The following DISC1 variants were observed in gnomAD, a reference collection of about 807,000 sequenced individuals.
DISC1 encodes DISC1 scaffold protein, also known as disrupted in schizophrenia 1 protein.
DISC1 carries 57 observed loss-of-function variants against 84.5 expected under a neutral mutation model. The ratio of observed to expected loss-of-function variants is 0.67; its 90% CI spans 0.55 to 0.84. The LOEUF is 0.84. Among genes scored for constraint, DISC1 ranks in the 40% least tolerant of loss-of-function variants. DISC1 has a pLI of 0.00. For missense variants in DISC1, 1,000 were observed against 1,057.8 expected (o/e 0.95, Z 0.76); for synonymous variants, 411 against 415.2 (o/e 0.99, Z 0.12).
chr1:231,727,511 C>T (rs1476329627), intron 3 of DISC1, among the ~76,000 whole-genome samples: 2 of 152,138 alleles, frequency 1.3e-5, no homozygotes, highest in African/African-American at 4.8e-5. Context: ...GCCATTAATT[C>T]CTCCTCTATT....
chr1:231,713,600 A>G (rs1384726855), intron 3 of DISC1, among the ~76,000 whole-genome samples: 5 of 151,258 alleles, frequency 3.3e-5, no homozygotes, highest in Admixed American at 3.3e-4. Context: ...AATGGAAATT[A>G]TTGAGTTTAA....
chr1:231,942,994 C>T (rs2091436601), intron 9 of DISC1, among the ~76,000 whole-genome samples: 1 of 152,266 alleles, frequency 6.6e-6, no homozygotes, highest in Non-Finnish European at 1.5e-5. Flanking sequence ...GCCTTTTTCT[C>T]TTCCTTTGTC....
chr1:231,811,033 C>T (rs1464386891), intron 8 of DISC1, among the ~76,000 whole-genome samples: 1 of 152,076 alleles, frequency 6.6e-6, no homozygotes, highest in African/African-American at 2.4e-5. Context: ...TATATTTAGT[C>T]AGTCACCAGG....
chr1:232,034,882 G>A lies in DISC1; in HGVS notation c.2426-1810G>A, dbSNP rs561393025. Among the ~76,000 whole-genome samples, 43 of 147,720 alleles carry A rather than the reference G, an allele frequency of 2.9e-4. 1 individual carries two copies. The South Asian group carries it at 9.1e-3, about 31-fold the overall frequency. ...TAGCGGAACTATGTAAGAAATGGAA[G>A]CAACCAAAGCCTCTTAAAAAAAAAA... On this transcript the variant is annotated intron_variant, in intron 12 of 12. Coordinates refer to ENST00000439617, the MANE Select transcript of DISC1 (RefSeq NM_018662.3).
rs372311200 is a variant in DISC1, at chr1:231,750,095, C to T, written c.1268+19C>T. ...CTCAGCAGTGAGTACTTGTTATTGTCACCATTTTCCCCTCATGTTTCTTCC... is the reference window on the plus strand; with the variant it reads ...CTCAGCAGTGAGTACTTGTTATTGTTACCATTTTCCCCTCATGTTTCTTCC... On this transcript the variant is annotated intron_variant, in intron 4 of 12. Transcript: ENST00000439617. The T allele has an allele frequency of 1.4e-5, 22 of 1,606,992 alleles. No homozygotes were observed. Among genetic ancestry groups the T allele is most frequent in the Non-Finnish European group, 1.8e-5 (21 of 1,176,072 alleles).
Position 232,014,881 on chromosome 1 carries a change from C to T in DISC1, c.2307+5832C>T, listed in dbSNP as rs563268959. Among the ~76,000 whole-genome samples the T allele has an allele frequency of 3.3e-5, 5 of 152,322 alleles. No homozygotes were observed. In the South Asian group the frequency reaches 1.0e-3, roughly 32 times the overall value. ...AGCTTGCTTTTTATGGAAACAAGCA[C>T]TTGTTTTCACATTAATATTTCATCG... On this transcript the variant is annotated intron_variant, in intron 11 of 12. Coordinates refer to ENST00000439617, the MANE Select transcript of DISC1 (RefSeq NM_018662.3).
At chr1:231,878,285 G>A (rs925345340) in intron 9 of DISC1, among the ~76,000 whole-genome samples, 1 of 152,160 alleles carries the variant, frequency 6.6e-6, no homozygotes, top group Non-Finnish European at 1.5e-5. Flanking sequence ...AGGTACAAGA[G>A]TGTGAAATGG....
intron 9 of DISC1, among the ~76,000 whole-genome samples, chr1:231,957,530 A>G (rs998782796): frequency 3.9e-5 from 6 of 152,300 alleles, no homozygotes; most frequent in Admixed American, 3.9e-4. Flanking sequence ...CATGCCTAGA[A>G]CAGTGTGTGG....
chr1:231,957,243 A>G (rs1221834891), intron 9 of DISC1, among the ~76,000 whole-genome samples: 1 of 152,124 alleles, frequency 6.6e-6, no homozygotes, highest in African/African-American at 2.4e-5. Flanking sequence ...TGGGGCCTTC[A>G]GACTGCCTAC....
At chr1:231,990,371 C>G (rs949014241) in intron 10 of DISC1, among the ~76,000 whole-genome samples, 12 of 151,920 alleles carry the variant, frequency 7.9e-5, no homozygotes, top group Admixed American at 7.2e-4. Flanking sequence ...GGCCAAGAGT[C>G]CCCCTGCTCA....
chr1:231,808,692 C>T (rs1045852124), intron 8 of DISC1, among the ~76,000 whole-genome samples: 15 of 152,214 alleles, frequency 9.9e-5, no homozygotes, highest in Admixed American at 3.3e-4. Flanking sequence ...AGGGGCTCCT[C>T]GCCTGGGAAA....
intron 11 of DISC1, among the ~76,000 whole-genome samples, chr1:232,017,480 C>CTTTTTTTTTTTTT (rs56672398): frequency 7.5e-6 from 1 of 132,820 alleles, no homozygotes. Flanking sequence ...AACACCTGTC[C>CTTTTTTTTTTTTT]TTTTTTTTTT....
At position 232,019,598 on chromosome 1, in the gene DISC1, A is replaced by C. The variant is rs894840095; in HGVS notation, c.2308-6837A>C. ...TTTGTCACATTTGATTTAAAGTACA[A>C]ATGGGAGCAAAAGTTACAAATTGCA... On this transcript the variant is annotated intron_variant, in intron 11 of 12. Transcript: ENST00000439617. Among the ~76,000 whole-genome samples the C allele has an allele frequency of 2.0e-5, 3 of 152,120 alleles. No individual in the cohort carries two copies. The East Asian group carries it at 5.8e-4, about 29-fold the overall frequency.
chr1:231,752,357 C>G (rs1441361802), intron 4 of DISC1, among the ~76,000 whole-genome samples: 3 of 152,106 alleles, frequency 2.0e-5, no homozygotes, highest in African/African-American at 7.2e-5. Context: ...AAGGGGAGCA[C>G]ACACATTGCA....
intron 9 of DISC1, among the ~76,000 whole-genome samples, chr1:231,943,256 T>A (rs564120067): frequency 1.3e-5 from 2 of 152,386 alleles, no homozygotes; most frequent in Admixed American, 6.5e-5. Context: ...TTACTCACAG[T>A]TCCCAAGGGC....
chr1:231,634,913 C>T (rs2125119187), intron 1 of DISC1, among the ~76,000 whole-genome samples: 1 of 130,658 alleles, frequency 7.7e-6, no homozygotes, highest in South Asian at 2.6e-4. Context: ...CATAGCAAGA[C>T]CCTGTCTCAA....
chr1:231,785,491 A>T (rs1418007451), intron 6 of DISC1, among the ~76,000 whole-genome samples: 1 of 151,704 alleles, frequency 6.6e-6, no homozygotes, highest in East Asian at 1.9e-4. Context: ...ACGGGTTTTC[A>T]CCATATTGTC....
intron 3 of DISC1, among the ~76,000 whole-genome samples, chr1:231,731,590 C>A (rs1450395575): frequency 2.0e-5 from 3 of 152,120 alleles, no homozygotes; most frequent in Non-Finnish European, 4.4e-5. Flanking sequence ...CTCTGTATCA[C>A]TCTTAATACT....
At chr1:231,966,134 A>T (rs1278346702) in intron 10 of DISC1, among the ~76,000 whole-genome samples, 1 of 152,240 alleles carries the variant, frequency 6.6e-6, no homozygotes, top group Non-Finnish European at 1.5e-5. Context: ...ATTTATTTGC[A>T]ACTTGATTAT....
Sources: allele counts gnomAD v4.1 joint callset (sites outside exome capture counted in the v4.1 genomes callset), GRCh38; gene constraint gnomAD v4.1.1; transcripts MANE v1.5; gene names NCBI Gene and HGNC (gene_info 2026-07-23, HGNC 2026-07-21).